C7orf78: variants seen among roughly 807,000 people sequenced by gnomAD.
C7orf78 encodes the protein putative uncharacterized protein C7orf78.
At chr7:12,501,062 G>T in the C7orf78 span, among the ~76,000 whole-genome samples, 1 of 150,798 alleles carries the variant, frequency 6.6e-6, no homozygotes, top group Non-Finnish European at 1.5e-5. Flanking sequence ...AATAAATTAG[G>T]TATTGATGGG....
the C7orf78 span, among the ~76,000 whole-genome samples, chr7:12,517,876 G>T: frequency 2.6e-5 from 4 of 151,848 alleles, no homozygotes; most frequent in Non-Finnish European, 4.4e-5. Flanking sequence ...CTTTTTCTGG[G>T]ATTTTGTGAA....
At chr7:12,504,696 T>C in the C7orf78 span, 1 of 152,126 alleles carries the variant, frequency 6.6e-6, no homozygotes, top group South Asian at 2.1e-4. Context: ...AGAAAAGCAA[T>C]TCATTTATCC....
the C7orf78 span, among the ~76,000 whole-genome samples, chr7:12,524,432 A>G: frequency 6.6e-6 from 1 of 152,188 alleles, no homozygotes; most frequent in African/African-American, 2.4e-5. Context: ...TAAATAATAT[A>G]TGTTACCTTT....
the C7orf78 span, among the ~76,000 whole-genome samples, chr7:12,486,268 T>C: frequency 6.6e-6 from 1 of 152,094 alleles, no homozygotes; most frequent in African/African-American, 2.4e-5. Context: ...TTAAAATTTG[T>C]ATGAGTCCTA....
the C7orf78 span, among the ~76,000 whole-genome samples, chr7:12,512,901 C>T: frequency 7.9e-5 from 12 of 151,794 alleles, no homozygotes; most frequent in African/African-American, 9.7e-5. Flanking sequence ...TAATTTTAGT[C>T]GGTTGTATGC....
chr7:12,511,756 T>G, the C7orf78 span, among the ~76,000 whole-genome samples: 1 of 151,914 alleles, frequency 6.6e-6, no homozygotes, highest in Non-Finnish European at 1.5e-5. Flanking sequence ...TTTTGTTTTT[T>G]GTTTTTTGTT....
the C7orf78 span, chr7:12,528,795 G>T: frequency 5.1e-6 from 2 of 395,802 alleles, no homozygotes; most frequent in Admixed American, 4.4e-5. Context: ...ATTATCCAGC[G>T]ACTTACCACT....
chr7:12,513,492 T>C, the C7orf78 span, among the ~76,000 whole-genome samples: 1 of 152,170 alleles, frequency 6.6e-6, no homozygotes, highest in African/African-American at 2.4e-5. Flanking sequence ...TTAAAAAAAT[T>C]TTCTTCTTTG....
At chr7:12,528,854 A>G in the C7orf78 span, 1 of 397,950 alleles carries the variant, frequency 2.5e-6, no homozygotes, top group Non-Finnish European at 4.4e-6. Context: ...CATCATGAAC[A>G]AAGACACGTG....
At chr7:12,531,940 G>C in the C7orf78 span, among the ~76,000 whole-genome samples, 1 of 152,138 alleles carries the variant, frequency 6.6e-6, no homozygotes, top group Non-Finnish European at 1.5e-5. Flanking sequence ...GGCGGTGTCT[G>C]ATTTACATAG....
chr7:12,519,970 T>C, the C7orf78 span, among the ~76,000 whole-genome samples: 2 of 152,214 alleles, frequency 1.3e-5, no homozygotes, highest in African/African-American at 2.4e-5. Flanking sequence ...ATTTTCTATC[T>C]GGTACAATGC....
chr7:12,486,512 C>T, the C7orf78 span, among the ~76,000 whole-genome samples: 1 of 151,786 alleles, frequency 6.6e-6, no homozygotes, highest in Admixed American at 6.6e-5. Flanking sequence ...GAATAATCTC[C>T]TAGACAATGT....
chr7:12,502,615 A>C, the C7orf78 span, among the ~76,000 whole-genome samples: 5 of 151,854 alleles, frequency 3.3e-5, no homozygotes, highest in African/African-American at 1.2e-4. Flanking sequence ...AGAAATAGGA[A>C]CACTTTTACA....
chr7:12,498,688 A>T, the C7orf78 span, among the ~76,000 whole-genome samples: 1 of 151,962 alleles, frequency 6.6e-6, no homozygotes, highest in African/African-American at 2.4e-5. Flanking sequence ...GAATTTCCCC[A>T]ATCTAGCAAG....
the C7orf78 span, chr7:12,491,652 C>A: frequency 6.6e-6 from 1 of 152,146 alleles, no homozygotes; most frequent in East Asian, 1.9e-4. Flanking sequence ...GTCAACTTGG[C>A]ATTAATATTT....
At chr7:12,484,579 T>C in the C7orf78 span, among the ~76,000 whole-genome samples, 1 of 152,214 alleles carries the variant, frequency 6.6e-6, no homozygotes, top group Admixed American at 6.5e-5. Flanking sequence ...GCAATTTGTA[T>C]GTATAATGTA....
At chr7:12,493,615 A>G in the C7orf78 span, among the ~76,000 whole-genome samples, 1 of 152,242 alleles carries the variant, frequency 6.6e-6, no homozygotes, top group Admixed American at 6.5e-5. Context: ...TGTACTACAG[A>G]GATTAAGAAC....
chr7:12,526,609 T>G, the C7orf78 span, among the ~76,000 whole-genome samples: 1 of 152,204 alleles, frequency 6.6e-6, no homozygotes, highest in Non-Finnish European at 1.5e-5. Flanking sequence ...CCTGTAAAAC[T>G]AAGATAATTT....
At chr7:12,521,553 A>T in the C7orf78 span, among the ~76,000 whole-genome samples, 3 of 151,906 alleles carry the variant, frequency 2.0e-5, no homozygotes, top group Non-Finnish European at 4.4e-5. Context: ...TAAGTAGCTC[A>T]TAAGAACAAC....
Sources: allele counts gnomAD v4.1 joint callset (sites outside exome capture counted in the v4.1 genomes callset), GRCh38; gene constraint gnomAD v4.1.1; transcripts MANE v1.5; gene names NCBI Gene and HGNC (gene_info 2026-07-23, HGNC 2026-07-21).